The following HDX variants were observed in gnomAD, a reference collection of about 807,000 sequenced individuals.
The protein encoded by HDX is chromosome X open reading frame 43.
A neutral mutation model predicts 45.2 loss-of-function variants in HDX; 19 were observed. The observed-to-expected ratio is 0.42, with a 90% CI of 0.29 to 0.62. The LOEUF (loss-of-function observed/expected upper bound fraction) is 0.62, where lower values mean the gene tolerates loss of function less well. Ranked by LOEUF, HDX falls within the 20% of genes least tolerant of loss-of-function variation. The probability of loss-of-function intolerance (pLI) is 0.20; values close to 1 mark genes in which losing one functional copy is unlikely to be tolerated. For missense variants in HDX, 532 were observed against 493.9 expected, an observed-to-expected ratio of 1.08 and a Z score of -0.73; for synonymous variants, 188 against 172.8, an observed-to-expected ratio of 1.09 and a Z score of -0.69.
chrX:84,496,017 T>C (rs972944504), intron 1 of HDX, among the ~76,000 whole-genome samples: 4 of 111,777 alleles, frequency 3.6e-5, no homozygotes, highest in African/African-American at 1.3e-4. Context: ...AACTATATTC[T>C]TCTGTAACAC....
intron 5 of HDX, among the ~76,000 whole-genome samples, chrX:84,382,840 T>G (rs936614291): frequency 1.8e-5 from 2 of 111,123 alleles, no homozygotes; most frequent in African/African-American, 6.5e-5. Context: ...TTAAAATAAC[T>G]AAAAGAGTGT....
chrX:84,472,963 G>C (rs1399196086), intron 3 of HDX, among the ~76,000 whole-genome samples: 1 of 108,241 alleles, frequency 9.2e-6, no homozygotes, highest in Non-Finnish European at 1.9e-5. Flanking sequence ...CTTATAAGAT[G>C]GGTCAAATGA....
chrX:84,446,979 G>A (rs112562204), intron 4 of HDX, among the ~76,000 whole-genome samples: 2,256 of 111,471 alleles, frequency 0.02, 25 homozygotes, highest in Non-Finnish European at 0.032. Flanking sequence ...TCCTAATTTG[G>A]AGTTTAGACA....
intron 2 of HDX, 22 bp from the exon 3 acceptor site, chrX:84,475,419 C>A: frequency 9.8e-7 from 1 of 1,018,855 alleles, no homozygotes. Flanking sequence ...AGAAGATACT[C>A]TGAAAATTGG....
chrX:84,486,731 T>C (rs1440601616), intron 2 of HDX, among the ~76,000 whole-genome samples: 1 of 110,628 alleles, frequency 9.0e-6, no homozygotes, highest in Non-Finnish European at 1.9e-5. Flanking sequence ...TGTTTTCCTA[T>C]GTATATGCTG....
At chrX:84,413,879 TATTATTTAA>T (rs1227331903) in intron 5 of HDX, among the ~76,000 whole-genome samples, 1 of 111,388 alleles carries the variant, frequency 9.0e-6, no homozygotes, top group Non-Finnish European at 1.9e-5. Flanking sequence ...GATCACTAAG[TATTATTTAA>T]ATTTTCTTAG....
intron 5 of HDX, among the ~76,000 whole-genome samples, chrX:84,381,100 A>G (rs2038177542): frequency 1.8e-5 from 2 of 111,369 alleles, no homozygotes; most frequent in Admixed American, 9.5e-5. Context: ...TTAAACAGGA[A>G]TCCCATTTAC....
chrX:84,415,453 G>T (rs1017053486), intron 5 of HDX, among the ~76,000 whole-genome samples: 17 of 111,799 alleles, frequency 1.5e-4, no homozygotes, highest in African/African-American at 5.5e-4. Flanking sequence ...ACCAGAACCA[G>T]CCTCCTTGTG....
At chrX:84,479,483 C>T (rs1004495168) in intron 2 of HDX, among the ~76,000 whole-genome samples, 1 of 111,939 alleles carries the variant, frequency 8.9e-6, no homozygotes, top group African/African-American at 3.2e-5. Context: ...GCTTTAAGTT[C>T]TTGGCTGTTA....
At chrX:84,372,316 A>T (rs1602333044) in intron 5 of HDX, among the ~76,000 whole-genome samples, 1 of 111,917 alleles carries the variant, frequency 8.9e-6, no homozygotes, top group African/African-American at 3.2e-5. Flanking sequence ...CAGGTTACCC[A>T]TATATATATT....
intron 5 of HDX, among the ~76,000 whole-genome samples, chrX:84,370,632 G>T (rs542628579): frequency 3.6e-5 from 4 of 111,900 alleles, no homozygotes; most frequent in Middle Eastern, 4.6e-3. Flanking sequence ...ATTTTAAAAA[G>T]ATCAACAGTG....
rs1406402202 is a variant in HDX at position 84,321,798 on chromosome X, A to C, written c.*91T>G. The C allele has an allele frequency of 1.3e-6, 1 of 740,757 alleles. No homozygotes were observed. The highest frequency in any genetic ancestry group is 1.9e-6 in the Non-Finnish European group (1 of 521,898). 61.0% of individuals were successfully genotyped at this position (740,757 alleles called of 1,213,427 possible). On this transcript the variant is annotated 3_prime_UTR_variant, in exon 11 of 11. Coordinates refer to ENST00000373177, the MANE Select transcript of HDX (RefSeq NM_001177479.2). ...TTTCAACAATGTGTTTTCCCAACTA[A>C]AGAATACCAGGGCAACAGAATGCAG...
intron 9 of HDX, among the ~76,000 whole-genome samples, chrX:84,330,237 TA>T (rs1480076480): frequency 9.8e-5 from 11 of 111,787 alleles, no homozygotes; most frequent in African/African-American, 3.6e-4. Context: ...ATCAGCCAGT[TA>T]CCATTTCAAA....
chrX:84,397,977 C>T lies in HDX; in HGVS notation c.1306-36365G>A, dbSNP rs189410348. Among the ~76,000 whole-genome samples, 16 of 110,444 alleles carry T rather than the reference C, an allele frequency of 1.4e-4. 1 individual carries two copies. The highest frequency in any genetic ancestry group is 4.0e-4 in the South Asian group (1 of 2,505). On this transcript the variant is annotated intron_variant, in intron 5 of 10. Coordinates refer to ENST00000373177, the MANE Select transcript of HDX (RefSeq NM_001177479.2). Reference sequence around the variant, plus strand: ...CCATAACAGCGTGAGAATCCTGCACCGGCAACCAAGGTATCCAGGTTCTCT... The same window carrying T: ...CCATAACAGCGTGAGAATCCTGCACTGGCAACCAAGGTATCCAGGTTCTCT...
intron 3 of HDX, among the ~76,000 whole-genome samples, chrX:84,470,553 A>G (rs2040435976): frequency 9.0e-6 from 1 of 111,491 alleles, no homozygotes; most frequent in South Asian, 3.7e-4. Context: ...TTTGTCACTA[A>G]TCTATGGTAG....
At chrX:84,363,057 A>G (rs1183480781) in intron 5 of HDX, among the ~76,000 whole-genome samples, 1 of 111,710 alleles carries the variant, frequency 9.0e-6, no homozygotes, top group African/African-American at 3.2e-5. Flanking sequence ...GTGCGAATAA[A>G]TTTCATTATC....
chrX:84,414,989 A>G (rs2039070655), intron 5 of HDX, among the ~76,000 whole-genome samples: 1 of 112,446 alleles, frequency 8.9e-6, no homozygotes, highest in Non-Finnish European at 1.9e-5. Context: ...CATCAGAACA[A>G]CCACCATCTT....
intron 5 of HDX, among the ~76,000 whole-genome samples, chrX:84,401,222 G>A (rs945717844): frequency 1.8e-5 from 2 of 111,896 alleles, no homozygotes; most frequent in African/African-American, 6.5e-5. Context: ...TTAAACTAAA[G>A]AGTTTCTGCA....
intron 4 of HDX, among the ~76,000 whole-genome samples, chrX:84,457,885 A>T (rs189555844): frequency 2.7e-5 from 3 of 112,023 alleles, no homozygotes; most frequent in Admixed American, 9.4e-5. Context: ...TCTTGATCAT[A>T]AGAAAAAATT....
Sources: allele counts gnomAD v4.1 joint callset (sites outside exome capture counted in the v4.1 genomes callset), GRCh38; gene constraint gnomAD v4.1.1; transcripts MANE v1.5; gene names NCBI Gene and HGNC (gene_info 2026-07-23, HGNC 2026-07-21).